Variants in JAKMIP1 observed in about 807,000 individuals in gnomAD.
JAKMIP1 encodes janus kinase and microtubule-interacting protein 1.
Under a neutral mutation model 113.0 loss-of-function variants are expected in JAKMIP1, and 33 were observed. The ratio of observed to expected loss-of-function variants is 0.29; its 90% CI spans 0.22 to 0.39. The LOEUF is 0.39. Ranked by LOEUF, JAKMIP1 falls within the 10% of genes least tolerant of loss-of-function variation. The pLI is 1.00. For synonymous variants in JAKMIP1, 480 were observed against 459.9 expected (o/e 1.04, Z -0.56); for missense variants, 813 against 1,080.5 (o/e 0.75, Z 3.47).
rs532320641 is a variant in JAKMIP1, at chr4:6,042,881, C to T, written c.2029-654G>A. Among the ~76,000 whole-genome samples the T allele has an allele frequency of 2.6e-5, 4 of 152,094 alleles. No homozygotes were observed. The South Asian group carries it at 6.2e-4, about 24-fold the overall frequency. On this transcript the variant is annotated intron_variant, in intron 16 of 20. Coordinates refer to ENST00000409021, the MANE Select transcript of JAKMIP1 (RefSeq NM_001099433.2). The surrounding 1 kb of genome is among the most constrained non-coding windows in gnomAD (Gnocchi z 5.2). ...ATGCCAGGACATGAGGGCGCAGGCA[C>T]GGAGAGTACGGGGTGAACAGGCGGG...
At position 6,185,114 on chromosome 4, in the gene JAKMIP1, T is replaced by C. The variant is rs1578499502; in HGVS notation, c.-148+15139A>G. On this transcript the variant is annotated intron_variant, in intron 1 of 20. Coordinates refer to ENST00000409021, the MANE Select transcript of JAKMIP1 (RefSeq NM_001099433.2). This position sits in a 1 kb window ranked among gnomAD's most constrained non-coding sequence, Gnocchi z 5.3. ...GCTGCACTGTCAGCTTCCTTACTTT[T>C]GAGGTTTTGGGACTCGAACTGGCTT... Among the ~76,000 whole-genome samples the C allele has an allele frequency of 6.6e-6, 1 of 152,234 alleles. No individual in the cohort carries two copies. Among genetic ancestry groups the C allele is most frequent in the Admixed American group, 6.5e-5 (1 of 15,288 alleles).
intron 1 of JAKMIP1, among the ~76,000 whole-genome samples, chr4:6,198,058 C>T (rs898286719): frequency 1.3e-5 from 2 of 152,216 alleles, no homozygotes; most frequent in African/African-American, 2.4e-5. Context: ...AACAGAGCCC[C>T]CACCAAAGTG....
Position 6,042,501 on chromosome 4 carries a change from G to A in JAKMIP1, c.2029-274C>T, listed in dbSNP as rs1161895693. 6.6e-6 allele frequency among the ~76,000 whole-genome samples: 1 copy of A among 152,202 alleles called. No homozygotes were observed. The highest frequency in any genetic ancestry group is 1.9e-4 in the East Asian group (1 of 5,160). ...GCCTGGATGGACCCGAGTGTGGGCG[G>A]CTGCGAGTGTGTGCAGCAGAGGAAG... On this transcript the variant is annotated intron_variant, in intron 16 of 20. Transcript: ENST00000409021. The surrounding 1 kb of genome is among the most constrained non-coding windows in gnomAD (Gnocchi z 5.2).
In JAKMIP1 at chr4:6,108,602, T is replaced by A. The variant is rs975137337; in HGVS notation, c.130-2635A>T. Among the ~76,000 whole-genome samples, 1 of 152,080 alleles carries A rather than the reference T, an allele frequency of 6.6e-6. No homozygotes were observed. The highest frequency in any genetic ancestry group is 1.5e-5 in the Non-Finnish European group (1 of 68,024). On this transcript the variant is annotated intron_variant, in intron 2 of 20. Transcript: ENST00000409021. This position sits in a 1 kb window ranked among gnomAD's most constrained non-coding sequence, Gnocchi z 5.6. ...GCTCTCCATGTCCAGGCCTGGCCAC[T>A]TCCCCACTTCCCCCTTGCCCAAGCC...
rs1716687469 is a variant in JAKMIP1, at chr4:6,121,348, AG to A, written c.-147-8352del. ...TCAACAGTGGGCTGCGTAAGGAGCA[AG>A]GGCGTCAAATGGTCCTCAGTGTTCA... On this transcript the variant is annotated intron_variant, in intron 1 of 20. Coordinates refer to ENST00000409021, the MANE Select transcript of JAKMIP1 (RefSeq NM_001099433.2). 2.0e-5 allele frequency among the ~76,000 whole-genome samples: 3 copies of A among 152,200 alleles called. No individual in the cohort carries two copies. In the South Asian group the frequency reaches 6.2e-4, roughly 32 times the overall value.
rs142744492 is a variant in JAKMIP1, at chr4:6,139,542, C to T, written c.-147-26545G>A. On this transcript the variant is annotated intron_variant, in intron 1 of 20. Coordinates refer to ENST00000409021, the MANE Select transcript of JAKMIP1 (RefSeq NM_001099433.2). The surrounding 1 kb of genome is among the most constrained non-coding windows in gnomAD (Gnocchi z 5.2). ...CAGCACTTTGGGAGGCTGAGGCAGG[C>T]GGATCACAAAGTCAGGAGTTCGAGA... 9.9e-3 allele frequency among the ~76,000 whole-genome samples: 1,508 copies of T among 151,956 alleles called. 29 individuals are homozygous for T. The highest frequency in any genetic ancestry group is 0.034 in the African/African-American group (1,404 of 41,384).
rs78991972 is a variant in JAKMIP1, at chr4:6,075,737, A to G, written c.1302+3202T>C. Among the ~76,000 whole-genome samples the G allele has an allele frequency of 2.2e-3, 338 of 152,360 alleles. 2 individuals are homozygous for G. Among genetic ancestry groups the G allele is most frequent in the African/African-American group, 7.7e-3 (321 of 41,582 alleles). ...CAACTATTTAGGGACTATTTAGTCA[A>G]CACCTACTCTGTGCCAGGCAATGAA... On this transcript the variant is annotated intron_variant, in intron 8 of 20. Coordinates refer to ENST00000409021, the MANE Select transcript of JAKMIP1 (RefSeq NM_001099433.2).
intron 9 of JAKMIP1, among the ~76,000 whole-genome samples, chr4:6,063,914 C>T (rs570268375): frequency 1.3e-5 from 2 of 152,316 alleles, no homozygotes; most frequent in South Asian, 4.1e-4. Context: ...GCAAGGGGAG[C>T]TTGTGGAGAC....
In JAKMIP1 at chr4:6,162,208, C is replaced by T. The variant is rs528415025; in HGVS notation, c.-148+38045G>A. Among the ~76,000 whole-genome samples, 8 of 152,236 alleles carry T rather than the reference C, an allele frequency of 5.3e-5. No individual in the cohort carries two copies. The South Asian group carries it at 6.2e-4, about 12-fold the overall frequency. The stretch of plus-strand genomic sequence containing the variant: ...TCGTCCCACTAGAGGGCAGTGGGAG[C>T]GACTGCAGACCACTGGTCTTATGAG... On this transcript the variant is annotated intron_variant, in intron 1 of 20. Transcript: ENST00000409021. The surrounding 1 kb of genome is among the most constrained non-coding windows in gnomAD (Gnocchi z 5.6).
chr4:6,070,915 C>A (rs978556647), intron 8 of JAKMIP1, among the ~76,000 whole-genome samples: 1 of 152,134 alleles, frequency 6.6e-6, no homozygotes. Flanking sequence ...TTCCATCTCT[C>A]GGAGAAGCGT....
chr4:6,124,587 G>C (rs1437334090), intron 1 of JAKMIP1, among the ~76,000 whole-genome samples: 1 of 152,192 alleles, frequency 6.6e-6, no homozygotes, highest in African/African-American at 2.4e-5. Flanking sequence ...AATCCATCCA[G>C]GCTCTAGGGC....
rs1441463364 is a variant in JAKMIP1, at chr4:6,064,784, T to C, written c.1431+96A>G. 7 of 1,519,408 alleles carry C rather than the reference T, an allele frequency of 4.6e-6. No individual in the cohort carries two copies. Among genetic ancestry groups the C allele is most frequent in the Non-Finnish European group, 5.4e-6 (6 of 1,105,858 alleles). 94.1% of individuals were successfully genotyped at this position (1,519,408 alleles called of 1,614,324 possible). On this transcript the variant is annotated intron_variant, in intron 9 of 20. Coordinates refer to ENST00000409021, the MANE Select transcript of JAKMIP1 (RefSeq NM_001099433.2). The surrounding 1 kb of genome is among the most constrained non-coding windows in gnomAD (Gnocchi z 4.3). ...ACTGGTCATCTGGGGTTCAGAACTATAGGCAAGGGAGCGAAACTTGCAACT... is the reference window on the plus strand; with the variant it reads ...ACTGGTCATCTGGGGTTCAGAACTACAGGCAAGGGAGCGAAACTTGCAACT...
At chr4:6,170,612 C>T (rs1346445982) in intron 1 of JAKMIP1, among the ~76,000 whole-genome samples, 2 of 136,362 alleles carry the variant, frequency 1.5e-5, no homozygotes, top group South Asian at 2.4e-4. Flanking sequence ...AGTGTCATCA[C>T]CACCACCGTT....
chr4:6,175,368 T>A (rs1378549913), intron 1 of JAKMIP1, among the ~76,000 whole-genome samples: 5 of 152,174 alleles, frequency 3.3e-5, no homozygotes, highest in African/African-American at 1.2e-4. Flanking sequence ...TCACGCTGCC[T>A]CTGGACAAAG....
intron 8 of JAKMIP1, among the ~76,000 whole-genome samples, chr4:6,077,898 G>A (rs997454971): frequency 6.6e-6 from 1 of 152,054 alleles, no homozygotes; most frequent in African/African-American, 2.4e-5. Flanking sequence ...GATGCCATCG[G>A]TCCACCTTCT....
chr4:6,112,527 G>A (rs1241913214), intron 2 of JAKMIP1, among the ~76,000 whole-genome samples, 195 bp downstream of exon 2: 1 of 152,196 alleles, frequency 6.6e-6, no homozygotes, highest in Non-Finnish European at 1.5e-5. Context: ...GAAGGTCACA[G>A]CAAGCACTGG....
Position 6,142,727 on chromosome 4 carries a change from G to A in JAKMIP1, c.-147-29730C>T, listed in dbSNP as rs955610787. On this transcript the variant is annotated intron_variant, in intron 1 of 20. Coordinates refer to ENST00000409021, the MANE Select transcript of JAKMIP1 (RefSeq NM_001099433.2). This position sits in a 1 kb window ranked among gnomAD's most constrained non-coding sequence, Gnocchi z 5.5. ...GAGATGGCAATGGATGGGGTGCTCT[G>A]GCCCCGGGGCCTGGCCGCAGGCAGA... Among the ~76,000 whole-genome samples, 2 of 152,180 alleles carry A rather than the reference G, an allele frequency of 1.3e-5. No individual in the cohort carries two copies. Among genetic ancestry groups the A allele is most frequent in the African/African-American group, 4.8e-5 (2 of 41,446 alleles).
In JAKMIP1 at chr4:6,167,083, G is replaced by T. The variant is rs13112882; in HGVS notation, c.-148+33170C>A. ...TGGAACAGTGCCTGGTGCGTAGGGG[G>T]TACTCAGGGTGGGCTGCTGGTATTA... On this transcript the variant is annotated intron_variant, in intron 1 of 20. Coordinates refer to ENST00000409021, the MANE Select transcript of JAKMIP1 (RefSeq NM_001099433.2). The surrounding 1 kb of genome is among the most constrained non-coding windows in gnomAD (Gnocchi z 5.3). 0.61 allele frequency among the ~76,000 whole-genome samples: 92,613 copies of T among 151,914 alleles called. 29,006 individuals are homozygous for T. The highest frequency in any genetic ancestry group is 0.76 in the East Asian group (3,932 of 5,168).
At chr4:6,046,924 G>C (rs1715073997) in intron 16 of JAKMIP1, among the ~76,000 whole-genome samples, 1 of 152,184 alleles carries the variant, frequency 6.6e-6, no homozygotes, top group Admixed American at 6.5e-5. Flanking sequence ...CCAGCCCCAG[G>C]ACGAACCAGC....
Sources: allele counts gnomAD v4.1 joint callset (sites outside exome capture counted in the v4.1 genomes callset), GRCh38; gene constraint gnomAD v4.1.1; non-coding constraint Gnocchi (gnomAD v3.1); transcripts MANE v1.5; gene names NCBI Gene and HGNC (gene_info 2026-07-23, HGNC 2026-07-21).